Variants in NR2F1-AS1 observed in about 807,000 individuals in gnomAD.
The protein encoded by NR2F1-AS1 is NR2F1 regulatory antisense RNA 1.
intron 4 of NR2F1-AS1, among the ~76,000 whole-genome samples, chr5:93,540,413 G>C (rs1751924997): frequency 6.6e-6 from 1 of 152,250 alleles, no homozygotes; most frequent in South Asian, 2.1e-4. Context: ...TTCAAGGGCT[G>C]TAGCTCACTC....
At chr5:93,540,915 C>T (rs1477073944) in intron 4 of NR2F1-AS1, among the ~76,000 whole-genome samples, 2 of 152,154 alleles carry the variant, frequency 1.3e-5, no homozygotes, top group Non-Finnish European at 2.9e-5. Context: ...CTTATGATGA[C>T]ACACATATTA....
At chr5:93,453,727 T>C (rs900646854) in intron 4 of NR2F1-AS1, among the ~76,000 whole-genome samples, 1 of 151,280 alleles carries the variant, frequency 6.6e-6, no homozygotes, top group Non-Finnish European at 1.5e-5. Context: ...AAAAAACAAA[T>C]AAAAAAACAC....
chr5:93,427,742 T>A (rs1461998931), intron 4 of NR2F1-AS1, among the ~76,000 whole-genome samples: 1 of 152,142 alleles, frequency 6.6e-6, no homozygotes, highest in Admixed American at 6.5e-5. Context: ...GTGCCCCACA[T>A]TCACATGTAA....
At chr5:93,420,651 G>A (rs962991283) in intron 4 of NR2F1-AS1, among the ~76,000 whole-genome samples, 1 of 152,148 alleles carries the variant, frequency 6.6e-6, no homozygotes, top group African/African-American at 2.4e-5. Context: ...AATTTACAGG[G>A]AGAGTCTAAA....
chr5:93,432,076 C>T (rs1454206841), intron 4 of NR2F1-AS1, among the ~76,000 whole-genome samples: 2 of 152,158 alleles, frequency 1.3e-5, no homozygotes, highest in Non-Finnish European at 2.9e-5. Context: ...TGCATGTATA[C>T]TACTTGACAA....
chr5:93,569,119 C>T (rs148807544), intron 1 of NR2F1-AS1, among the ~76,000 whole-genome samples: 11 of 152,300 alleles, frequency 7.2e-5, no homozygotes, highest in African/African-American at 2.6e-4. Context: ...CGCACCCACA[C>T]ACCTCAACCC....
At chr5:93,526,975 C>A (rs1210801001) in intron 4 of NR2F1-AS1, among the ~76,000 whole-genome samples, 1 of 152,026 alleles carries the variant, frequency 6.6e-6, no homozygotes, top group Non-Finnish European at 1.5e-5. Flanking sequence ...CCATTCAACA[C>A]AGTACTGGAA....
intron 4 of NR2F1-AS1, among the ~76,000 whole-genome samples, chr5:93,528,214 A>G (rs1288195944): frequency 6.6e-6 from 1 of 152,256 alleles, no homozygotes; most frequent in Non-Finnish European, 1.5e-5. Flanking sequence ...ACTTCTCAAA[A>G]GAAGACATTT....
At chr5:93,426,478 T>C (rs1277309807) in intron 4 of NR2F1-AS1, among the ~76,000 whole-genome samples, 1 of 152,212 alleles carries the variant, frequency 6.6e-6, no homozygotes, top group Non-Finnish European at 1.5e-5. Flanking sequence ...TTTGATGTAA[T>C]ACAAACAACA....
chr5:93,420,528 C>G (rs1161282660), intron 4 of NR2F1-AS1, among the ~76,000 whole-genome samples: 1 of 151,826 alleles, frequency 6.6e-6, no homozygotes, highest in Non-Finnish European at 1.5e-5. Flanking sequence ...GCAGAGTAGA[C>G]AAGTCAAGAA....
chr5:93,440,431 T>C (rs1008990892), intron 4 of NR2F1-AS1, among the ~76,000 whole-genome samples: 3 of 152,172 alleles, frequency 2.0e-5, no homozygotes. Context: ...TGAATAGAAT[T>C]AAAGACTGAG....
chr5:93,496,570 T>C (rs1201735128), intron 4 of NR2F1-AS1, among the ~76,000 whole-genome samples: 1 of 152,180 alleles, frequency 6.6e-6, no homozygotes, highest in Non-Finnish European at 1.5e-5. Flanking sequence ...CTATTTTCAC[T>C]GTTAAACAAA....
At chr5:93,561,552 C>T (rs534687517) in intron 2 of NR2F1-AS1, among the ~76,000 whole-genome samples, 23 of 152,046 alleles carry the variant, frequency 1.5e-4, no homozygotes, top group African/African-American at 4.8e-4. Flanking sequence ...GCGGGAGGTT[C>T]GCTTGAGCCC....
At chr5:93,582,955 G>C (rs1341917631), upstream of NR2F1-AS1, among the ~76,000 whole-genome samples, 2 of 152,028 alleles carry the variant, frequency 1.3e-5, no homozygotes, top group East Asian at 1.9e-4. Flanking sequence ...AAGCGGGGGG[G>C]GGAGAAAGAA....
intron 4 of NR2F1-AS1, among the ~76,000 whole-genome samples, chr5:93,503,742 CAT>C (rs1161011309): frequency 6.6e-6 from 1 of 152,230 alleles, no homozygotes; most frequent in African/African-American, 2.4e-5. Flanking sequence ...AGACATTTCA[CAT>C]GTGTTGTCAC....
chr5:93,496,279 G>T (rs1044497403), intron 4 of NR2F1-AS1, among the ~76,000 whole-genome samples: 3 of 152,264 alleles, frequency 2.0e-5, no homozygotes, highest in East Asian at 3.9e-4. Context: ...GCTCAAGCAG[G>T]CTTGTCTGTG....
At chr5:93,577,244 A>G (rs1752917172) in intron 1 of NR2F1-AS1, among the ~76,000 whole-genome samples, 1 of 152,256 alleles carries the variant, frequency 6.6e-6, no homozygotes, top group Non-Finnish European at 1.5e-5. Flanking sequence ...CGTGCTTTAA[A>G]TGACCGGTTT....
At chr5:93,511,257 T>C (rs1347428398) in intron 4 of NR2F1-AS1, among the ~76,000 whole-genome samples, 1 of 152,026 alleles carries the variant, frequency 6.6e-6, no homozygotes, top group Non-Finnish European at 1.5e-5. Flanking sequence ...AAACAAAAGG[T>C]GAAAGAAGGA....
intron 4 of NR2F1-AS1, among the ~76,000 whole-genome samples, chr5:93,466,917 G>T (rs1053021626): frequency 7.0e-5 from 8 of 114,910 alleles, no homozygotes; most frequent in South Asian, 3.7e-4. Flanking sequence ...GGGGGGGGGG[G>T]GTGGACGGAG....
Sources: allele counts gnomAD v4.1 joint callset (sites outside exome capture counted in the v4.1 genomes callset), GRCh38; gene constraint gnomAD v4.1.1; transcripts MANE v1.5; gene names NCBI Gene and HGNC (gene_info 2026-07-23, HGNC 2026-07-21).